Variants in ECE1 observed in about 807,000 individuals in gnomAD.
The protein encoded by ECE1 is endothelin converting enzyme 1.
In ECE1, 35 loss-of-function variants were observed where a neutral mutation model predicts 98.6. The ratio of observed to expected loss-of-function variants is 0.35; its 90% CI spans 0.27 to 0.47. The LOEUF is 0.47. Ranked by LOEUF, ECE1 falls within the 20% of genes least tolerant of loss-of-function variation. ECE1 has a pLI of 1.00. For synonymous variants in ECE1, 394 were observed against 407.1 expected (o/e 0.97, Z 0.39); for missense variants, 814 against 1,025.3 (o/e 0.79, Z 2.81).
At chr1:21,313,498 C>G (rs1260620980) in intron 1 of ECE1, among the ~76,000 whole-genome samples, 23 of 152,104 alleles carry the variant, frequency 1.5e-4, no homozygotes, top group Admixed American at 1.5e-3. Context: ...CCAGAGTGGT[C>G]CCAGGCCCAG....
chr1:21,339,679 G>A (rs1035840156), intron 1 of ECE1, among the ~76,000 whole-genome samples: 1 of 152,182 alleles, frequency 6.6e-6, no homozygotes, highest in East Asian at 1.9e-4. Flanking sequence ...GCGCTCTAGC[G>A]TCTTTAGAAG....
At chr1:21,230,540 C>A (rs901354019) in intron 14 of ECE1, among the ~76,000 whole-genome samples, 1 of 152,298 alleles carries the variant, frequency 6.6e-6, no homozygotes, top group African/African-American at 2.4e-5. Context: ...GCACCCGCCA[C>A]CACGTCTGGC....
chr1:21,262,374 G>T (rs1291508123), intron 4 of ECE1, among the ~76,000 whole-genome samples: 1 of 152,216 alleles, frequency 6.6e-6, no homozygotes, highest in Non-Finnish European at 1.5e-5. Flanking sequence ...CAGAAGATCA[G>T]GGAGAGCAAA....
chr1:21,281,394 A>C (rs976016424), intron 2 of ECE1, among the ~76,000 whole-genome samples: 1 of 152,230 alleles, frequency 6.6e-6, no homozygotes, highest in African/African-American at 2.4e-5. Flanking sequence ...TTAAAACTTC[A>C]GGCTGTGAGG....
Position 21,322,932 on chromosome 1 carries a change from T to C in ECE1, c.3+22444A>G, listed in dbSNP as rs1638995847. Among the ~76,000 whole-genome samples the C allele has an allele frequency of 6.6e-6, 1 of 151,848 alleles. No individual in the cohort carries two copies. Among genetic ancestry groups the C allele is most frequent in the African/African-American group, 2.4e-5 (1 of 41,320 alleles). ...GAGGGCAGGTCCCAGGGCTCAGGGGTTGGGGTCATTTCCAAAAACAAGGCT... is the reference window on the plus strand; with the variant it reads ...GAGGGCAGGTCCCAGGGCTCAGGGGCTGGGGTCATTTCCAAAAACAAGGCT... On this transcript the variant is annotated intron_variant, in intron 1 of 18. Transcript: ENST00000415912. This position sits in a 1 kb window ranked among gnomAD's most constrained non-coding sequence, Gnocchi z 4.1.
intron 1 of ECE1, among the ~76,000 whole-genome samples, chr1:21,331,755 T>G (rs1042755622): frequency 2.6e-5 from 4 of 152,122 alleles, no homozygotes; most frequent in Non-Finnish European, 4.4e-5. Context: ...ACAGGGTTGA[T>G]GTGAAGATTA....
intron 17 of ECE1, among the ~76,000 whole-genome samples, chr1:21,224,704 G>T (rs929415510): frequency 6.6e-6 from 1 of 152,096 alleles, no homozygotes; most frequent in Non-Finnish European, 1.5e-5. Context: ...ATCTGACTCC[G>T]CGAGCATCTC....
chr1:21,246,391 T>C lies in ECE1; in HGVS notation c.1163+830A>G, dbSNP rs539416785. Among the ~76,000 whole-genome samples, 8 of 148,990 alleles carry C rather than the reference T, an allele frequency of 5.4e-5. No homozygotes were observed. The East Asian group carries it at 6.0e-4, about 11-fold the overall frequency. ...GCAGGCGCCTATAATCCCAGCTGTT[T>C]GGGAGGCTGAGGCAGGAGAATCATT... is the stretch of plus-strand genomic sequence containing the variant. On this transcript the variant is annotated intron_variant, in intron 9 of 18. Transcript: ENST00000374893.
At chr1:21,221,645 A>G in intron 18 of ECE1, 102 bp downstream of exon 18, 1 of 1,197,032 alleles carries the variant, frequency 8.4e-7, no homozygotes. Context: ...TGACTTGGGA[A>G]GTTCTCAATC....
intron 1 of ECE1, among the ~76,000 whole-genome samples, chr1:21,323,509 A>G (rs533404269): frequency 4.6e-5 from 7 of 152,290 alleles, no homozygotes; most frequent in African/African-American, 1.7e-4. Context: ...CTGTAACCCC[A>G]GCACTTTGGA....
At position 21,256,019 on chromosome 1, in the gene ECE1, G is replaced by C. The variant is rs905764705; in HGVS notation, c.948C>G (p.Asn316Lys). ...GGCGCTTCTCCTGTGGGATGGTGAT[G>C]TTGGCCAGTGCCGTCTCAAAGTCCA... ...QILDFETALANITIPQEKRRD... is the reference protein window; with the variant it reads ...QILDFETALAKITIPQEKRRD... The change falls in exon 8 of 19, where the codon AAC becomes AAG. Residue 316 changes from asparagine to lysine, a missense_variant. Transcript: ENST00000374893. 1 of 1,614,036 alleles carries C rather than the reference G, an allele frequency of 6.2e-7. No homozygotes were observed. Among genetic ancestry groups the C allele is most frequent in the Non-Finnish European group, 8.5e-7 (1 of 1,179,836 alleles).
intron 3 of ECE1, among the ~76,000 whole-genome samples, chr1:21,277,559 G>T (rs536437762): frequency 1.3e-5 from 2 of 152,058 alleles, no homozygotes; most frequent in Non-Finnish European, 2.9e-5. Context: ...CCTGTTAGCA[G>T]AGGAGGCACA....
At chr1:21,289,872 G>A (rs1486301286) in intron 2 of ECE1, among the ~76,000 whole-genome samples, 198 bp downstream of exon 2, 1 of 151,900 alleles carries the variant, frequency 6.6e-6, no homozygotes, top group Non-Finnish European at 1.5e-5. Context: ...GCAGGTGAGG[G>A]GAGACTGGTG....
chr1:21,290,799 G>A (rs1319301377), upstream of ECE1, among the ~76,000 whole-genome samples: 3 of 152,246 alleles, frequency 2.0e-5, no homozygotes, highest in Non-Finnish European at 2.9e-5. The surrounding 1 kb of genome is among the most constrained non-coding windows in gnomAD (Gnocchi z 7.3). Context: ...CAGCCCTTAG[G>A]TGTGTCTAGG....
intron 10 of ECE1, among the ~76,000 whole-genome samples, chr1:21,239,013 T>G (rs112149879): frequency 1.3e-5 from 2 of 151,750 alleles, no homozygotes; most frequent in African/African-American, 4.8e-5. Context: ...TTTTTTTTTT[T>G]GTGGAGACAT....
intron 16 of ECE1, among the ~76,000 whole-genome samples, chr1:21,226,673 A>C (rs1006131485): frequency 6.6e-6 from 1 of 152,104 alleles, no homozygotes; most frequent in Non-Finnish European, 1.5e-5. Flanking sequence ...AGGACTATTA[A>C]AATTTTGCCA....
At chr1:21,253,753 ACT>A (rs1485321646) in intron 8 of ECE1, among the ~76,000 whole-genome samples, 22 of 124,420 alleles carry the variant, frequency 1.8e-4, no homozygotes, top group Admixed American at 1.8e-4. Flanking sequence ...AGAGCGCGAG[ACT>A]CTGTCTCAAA....
upstream of ECE1, among the ~76,000 whole-genome samples, chr1:21,291,641 CATG>C (rs1264095860): frequency 6.6e-6 from 1 of 152,156 alleles, no homozygotes; most frequent in Admixed American, 6.5e-5. Context: ...GCCTGGCCAA[CATG>C]ATGAAACCCC....
intron 8 of ECE1, among the ~76,000 whole-genome samples, chr1:21,250,807 A>G (rs1490942287): frequency 6.6e-6 from 1 of 152,038 alleles, no homozygotes; most frequent in Non-Finnish European, 1.5e-5. Context: ...GGAAAGGGAG[A>G]CCATCCTGAC....
Sources: allele counts gnomAD v4.1 joint callset (sites outside exome capture counted in the v4.1 genomes callset), GRCh38; gene constraint gnomAD v4.1.1; non-coding constraint Gnocchi (gnomAD v3.1); transcripts MANE v1.5; gene names NCBI Gene and HGNC (gene_info 2026-07-23, HGNC 2026-07-21).